CAP2: variants seen among roughly 807,000 people sequenced by gnomAD.
CAP2 encodes the protein adenylyl cyclase-associated protein 2.
A neutral mutation model predicts 57.7 loss-of-function variants in CAP2; 24 were observed. The ratio of observed to expected loss-of-function variants is 0.42; its 90% CI spans 0.30 to 0.58. The LOEUF is 0.58. CAP2 is among the 20% of genes least tolerant of loss of function. The pLI is 0.22. For synonymous variants in CAP2, 194 were observed against 207.2 expected (o/e 0.94, Z 0.55); for missense variants, 501 against 590.3 (o/e 0.85, Z 1.57).
chr6:17,513,885 G>A lies in CAP2; in HGVS notation c.567G>A (p.Leu189=). Residue 189 remains leucine (L), a synonymous_variant, in exon 7 of 13, where the codon TTG becomes TTA. Transcript: ENST00000229922. The surrounding 1 kb of genome is among the most constrained non-coding windows in gnomAD (Gnocchi z 4.3). ...LRHVDWVKSY[L]NIWSELQAYI... ...ATGTGGATTGGGTGAAGTCATATTT[G>A]AACATTTGGAGTGAACTTCAAGCAT... is the stretch of plus-strand genomic sequence containing the variant. The A allele has an allele frequency of 2.5e-6, 4 of 1,613,804 alleles. No homozygotes were observed. Among genetic ancestry groups the A allele is most frequent in the Non-Finnish European group, 3.4e-6 (4 of 1,179,744 alleles).
At chr6:17,406,573 T>C (rs920824931) in intron 1 of CAP2, among the ~76,000 whole-genome samples, 1 of 152,046 alleles carries the variant, frequency 6.6e-6, no homozygotes, top group South Asian at 2.1e-4. Context: ...TTTGTATTTT[T>C]AGTAGAGACA....
At chr6:17,484,418 C>A (rs547747444) in intron 4 of CAP2, among the ~76,000 whole-genome samples, 2 of 152,156 alleles carry the variant, frequency 1.3e-5, no homozygotes, top group Admixed American at 6.5e-5. Context: ...GTCAGACATA[C>A]GCTGTGCATC....
Position 17,557,763 on chromosome 6 carries a change from A to G in CAP2, c.*1321A>G, listed in dbSNP as rs1332202729. 6.6e-6 allele frequency: 1 copy of G among 152,236 alleles called. No homozygotes were observed. Among genetic ancestry groups the G allele is most frequent in the African/African-American group, 2.4e-5 (1 of 41,456 alleles). The allele number at this position is 152,236 out of a possible 1,614,324, so 9.4% of individuals were successfully genotyped here. ...TGTAAACTTATTCTGAAATAAAGTA[A>G]AATTCTAATTGTTTAAATACTGTGA... On this transcript the variant is annotated 3_prime_UTR_variant, in exon 13 of 13. Coordinates refer to ENST00000229922, the MANE Select transcript of CAP2 (RefSeq NM_006366.3).
intron 1 of CAP2, among the ~76,000 whole-genome samples, chr6:17,398,814 G>A (rs372439865): frequency 6.3e-4 from 96 of 152,078 alleles, no homozygotes; most frequent in African/African-American, 2.1e-3. Flanking sequence ...GTGAGCCACC[G>A]TGCCCGGTCC....
chr6:17,424,985 A>G (rs937536821), intron 2 of CAP2, among the ~76,000 whole-genome samples: 3 of 152,160 alleles, frequency 2.0e-5, no homozygotes, highest in African/African-American at 7.2e-5. Flanking sequence ...AGAAGTTGTT[A>G]TATACTGTGC....
At chr6:17,534,412 G>A (rs182917862) in intron 7 of CAP2, among the ~76,000 whole-genome samples, 2 of 152,276 alleles carry the variant, frequency 1.3e-5, no homozygotes, top group East Asian at 3.9e-4. Context: ...TCTCAAGACT[G>A]TCACTGGTAA....
rs115761765 is a variant in CAP2 at position 17,403,473 on chromosome 6, A to G, written c.-2+9727A>G. On this transcript the variant is annotated intron_variant, in intron 1 of 12. Transcript: ENST00000229922. ...GTTATGGAAAGTAAAAGTGTTCAAA[A>G]GAGAGAGATTTCCAATAAAGTTGCT... Among the ~76,000 whole-genome samples, 1,076 of 152,366 alleles carry G rather than the reference A, an allele frequency of 7.1e-3. 14 individuals are homozygous for G. The highest frequency in any genetic ancestry group is 0.025 in the African/African-American group (1,022 of 41,588).
intron 7 of CAP2, among the ~76,000 whole-genome samples, chr6:17,528,869 G>T (rs1257629355): frequency 6.6e-6 from 1 of 152,100 alleles, no homozygotes; most frequent in Non-Finnish European, 1.5e-5. Flanking sequence ...ACAATTCTGT[G>T]TTCTTGGAAA....
intron 4 of CAP2, among the ~76,000 whole-genome samples, chr6:17,465,247 C>T (rs1760832314): frequency 6.6e-6 from 1 of 152,128 alleles, no homozygotes; most frequent in African/African-American, 2.4e-5. Flanking sequence ...GGCTAGAGTG[C>T]AGTGGTGCAA....
At chr6:17,435,709 T>G (rs1477977369) in intron 3 of CAP2, among the ~76,000 whole-genome samples, 1 of 135,622 alleles carries the variant, frequency 7.4e-6, no homozygotes, top group Non-Finnish European at 1.6e-5. Flanking sequence ...AAAAAAGAAG[T>G]TTACGGATAA....
At chr6:17,500,418 G>A (rs1455195761) in intron 4 of CAP2, among the ~76,000 whole-genome samples, 4 of 131,792 alleles carry the variant, frequency 3.0e-5, no homozygotes, top group African/African-American at 5.6e-5. Flanking sequence ...TGCCAGGCTG[G>A]AGTGCAGTGG....
intron 4 of CAP2, among the ~76,000 whole-genome samples, chr6:17,478,133 C>T (rs1475374781): frequency 2.0e-5 from 3 of 150,556 alleles, no homozygotes; most frequent in Non-Finnish European, 3.0e-5. Context: ...ATAATGACCC[C>T]TCGGTTGCTT....
chr6:17,541,563 G>C (rs1184197856), intron 9 of CAP2, among the ~76,000 whole-genome samples: 1 of 152,040 alleles, frequency 6.6e-6, no homozygotes, highest in Non-Finnish European at 1.5e-5. Context: ...CTGGGTGACA[G>C]AGTGAGACTC....
chr6:17,447,412 G>A (rs973677207), intron 3 of CAP2, among the ~76,000 whole-genome samples: 1 of 152,110 alleles, frequency 6.6e-6, no homozygotes, highest in Non-Finnish European at 1.5e-5. Flanking sequence ...TTTTTAAAAG[G>A]GGAAGGAAAA....
chr6:17,453,266 AAC>A lies in CAP2; in HGVS notation c.223-9727_223-9726del, dbSNP rs3836945. On this transcript the variant is annotated intron_variant, in intron 3 of 12. Coordinates refer to ENST00000229922, the MANE Select transcript of CAP2 (RefSeq NM_006366.3). ...TAGGACAAAACCAATGATGGCATGG[AAC>A]ACTACTGATGACTTTGTAGAACTTC... Among the ~76,000 whole-genome samples the A allele has an allele frequency of 5.9e-3, 896 of 152,306 alleles. 15 individuals are homozygous for A. Among genetic ancestry groups the A allele is most frequent in the East Asian group, 0.05 (258 of 5,164 alleles).
At chr6:17,535,763 T>A (rs922735316) in intron 7 of CAP2, among the ~76,000 whole-genome samples, 1 of 152,216 alleles carries the variant, frequency 6.6e-6, no homozygotes, top group Non-Finnish European at 1.5e-5. Context: ...CCCAGTAATA[T>A]GGTTGTCATA....
At chr6:17,549,128 G>A (rs975532654) in intron 11 of CAP2, among the ~76,000 whole-genome samples, 2 of 152,194 alleles carry the variant, frequency 1.3e-5, no homozygotes, top group African/African-American at 4.8e-5. Context: ...GCAGATAATA[G>A]AAAAGGATTT....
At chr6:17,512,521 T>G (rs1235662562) in intron 6 of CAP2, among the ~76,000 whole-genome samples, 2 of 152,270 alleles carry the variant, frequency 1.3e-5, no homozygotes, top group African/African-American at 2.4e-5. Context: ...TACATTTATA[T>G]TGAAGTAATG....
intron 1 of CAP2, among the ~76,000 whole-genome samples, chr6:17,419,957 T>G (rs1759390910): frequency 6.6e-6 from 1 of 152,186 alleles, no homozygotes. Flanking sequence ...CTGCAACCTC[T>G]GCCTCCTGGG....
Sources: allele counts gnomAD v4.1 joint callset (sites outside exome capture counted in the v4.1 genomes callset), GRCh38; gene constraint gnomAD v4.1.1; non-coding constraint Gnocchi (gnomAD v3.1); transcripts MANE v1.5; gene names NCBI Gene and HGNC (gene_info 2026-07-23, HGNC 2026-07-21).